The following CMIP variants were observed in gnomAD, a reference collection of about 807,000 sequenced individuals.
CMIP encodes the protein C-Maf-inducing protein.
CMIP carries 13 observed loss-of-function variants against 97.3 expected under a neutral mutation model. The observed-to-expected ratio is 0.13, with a 90% confidence interval of 0.09 to 0.21. The LOEUF (loss-of-function observed/expected upper bound fraction) is 0.21. Among genes scored for constraint, CMIP ranks in the 10% least tolerant of loss-of-function variants. CMIP has a pLI of 1.00. For missense variants in CMIP, 847 were observed against 1,024.9 expected (o/e 0.83, Z 2.37); for synonymous variants, 538 against 436.3 (o/e 1.23, Z -2.91).
At chr16:81,572,016 C>T (rs747978902) in intron 1 of CMIP, among the ~76,000 whole-genome samples, 4 of 152,188 alleles carry the variant, frequency 2.6e-5, no homozygotes, top group Admixed American at 6.5e-5. Flanking sequence ...TTGGTGGAGT[C>T]GCTCACCAGG....
intron 1 of CMIP, among the ~76,000 whole-genome samples, chr16:81,456,839 A>G (rs912871797): frequency 6.6e-6 from 1 of 152,158 alleles, no homozygotes; most frequent in Non-Finnish European, 1.5e-5. Flanking sequence ...GCGTGTGGAC[A>G]GAGCAGAAGG....
chr16:81,482,558 C>T (rs965908960), intron 1 of CMIP, among the ~76,000 whole-genome samples: 2 of 152,116 alleles, frequency 1.3e-5, no homozygotes, highest in Non-Finnish European at 2.9e-5. Flanking sequence ...GACCTCTGTT[C>T]CCACTTGAGC....
chr16:81,489,791 T>C (rs1043193548), intron 1 of CMIP, among the ~76,000 whole-genome samples: 3 of 152,204 alleles, frequency 2.0e-5, no homozygotes, highest in African/African-American at 7.2e-5. Flanking sequence ...CTGGGAGCTT[T>C]TGGCAAATGC....
chr16:81,599,844 A>G (rs941883678), intron 1 of CMIP, among the ~76,000 whole-genome samples: 3 of 152,206 alleles, frequency 2.0e-5, no homozygotes, highest in Admixed American at 1.3e-4. Context: ...ATGAGGGATT[A>G]TATATAAAGC....
At chr16:81,456,793 G>T (rs964791305) in intron 1 of CMIP, among the ~76,000 whole-genome samples, 1 of 152,226 alleles carries the variant, frequency 6.6e-6, no homozygotes, top group African/African-American at 2.4e-5. Context: ...GGCCAGGCTG[G>T]CTGTGAGCTG....
At chr16:81,500,267 C>CG (rs1189484925) in intron 1 of CMIP, among the ~76,000 whole-genome samples, 4 of 135,252 alleles carry the variant, frequency 3.0e-5, no homozygotes, top group African/African-American at 1.2e-4. Flanking sequence ...TCCTTCCTTC[C>CG]TTCCGTCCTT....
At chr16:81,546,371 C>T (rs549369406) in intron 1 of CMIP, among the ~76,000 whole-genome samples, 7 of 152,172 alleles carry the variant, frequency 4.6e-5, no homozygotes, top group South Asian at 4.1e-4. Flanking sequence ...TGTAGGGCGG[C>T]GGTCCCTTTA....
chr16:81,710,009 G>A lies in CMIP; in HGVS notation c.*210G>A. On this transcript the variant is annotated 3_prime_UTR_variant, in exon 21 of 21. Coordinates refer to ENST00000537098, the MANE Select transcript of CMIP (RefSeq NM_198390.3). The stretch of plus-strand genomic sequence containing the variant: ...CCGAATTCTTTTAGCTTCGTAATTG[G>A]AACCTTTGACCTGATCTAAAGTGGA... 2.7e-6 allele frequency: 1 copy of A among 371,120 alleles called. No homozygotes were observed. The highest frequency in any genetic ancestry group is 5.1e-6 in the Non-Finnish European group (1 of 197,726). The allele number at this position is 371,120 out of a possible 1,614,324, so 23.0% of individuals were successfully genotyped here. A position where few individuals can be genotyped will look rare whatever the true frequency, so the allele number is the denominator to read the frequency against.
chr16:81,706,910 C>A, intron 19 of CMIP, 104 bp from the exon 20 acceptor site: 1 of 923,872 alleles, frequency 1.1e-6, no homozygotes. Flanking sequence ...CATCTCCTAA[C>A]AGGGGGCCTG....
At chr16:81,497,178 G>T (rs1246152575) in intron 1 of CMIP, among the ~76,000 whole-genome samples, 1 of 152,216 alleles carries the variant, frequency 6.6e-6, no homozygotes, top group African/African-American at 2.4e-5. Flanking sequence ...TAGCCCGGGG[G>T]ACTCAGTAGC....
chr16:81,640,533 G>A (rs2092292104), intron 3 of CMIP, among the ~76,000 whole-genome samples: 1 of 152,168 alleles, frequency 6.6e-6, no homozygotes, highest in Admixed American at 6.5e-5. Context: ...TCCGTAAACT[G>A]TGTTGCTTAA....
chr16:81,514,338 C>T (rs1051939846), intron 1 of CMIP, among the ~76,000 whole-genome samples: 5 of 152,146 alleles, frequency 3.3e-5, no homozygotes, highest in Admixed American at 1.3e-4. Context: ...GTGAGGGAAG[C>T]TTCCAGAAGT....
At chr16:81,651,050 T>C (rs1468909022) in intron 3 of CMIP, 1 of 152,228 alleles carries the variant, frequency 6.6e-6, no homozygotes, top group Non-Finnish European at 1.5e-5. Context: ...AGTTTCTGTT[T>C]GAGCCTTAGC....
intron 1 of CMIP, among the ~76,000 whole-genome samples, chr16:81,508,282 G>A (rs764201230): frequency 1.3e-5 from 2 of 152,232 alleles, no homozygotes; most frequent in Non-Finnish European, 2.9e-5. Flanking sequence ...AGAGGCCACA[G>A]CATCCCTGGT....
At position 81,710,001 on chromosome 16, in the gene CMIP, C is replaced by G. The variant is rs1464710790; in HGVS notation, c.*202C>G. On this transcript the variant is annotated 3_prime_UTR_variant, in exon 21 of 21. Transcript: ENST00000537098. Reference sequence around the variant, plus strand: ...AGCCCCCGCCGAATTCTTTTAGCTTCGTAATTGGAACCTTTGACCTGATCT... The same window carrying G: ...AGCCCCCGCCGAATTCTTTTAGCTTGGTAATTGGAACCTTTGACCTGATCT... 4.8e-6 allele frequency: 2 copies of G among 419,464 alleles called. No homozygotes were observed. Among genetic ancestry groups the G allele is most frequent in the Non-Finnish European group, 8.8e-6 (2 of 227,544 alleles). 26.0% of individuals were successfully genotyped at this position (419,464 alleles called of 1,614,324 possible).
At chr16:81,595,460 C>G (rs2091540119) in intron 1 of CMIP, among the ~76,000 whole-genome samples, 1 of 150,708 alleles carries the variant, frequency 6.6e-6, no homozygotes, top group South Asian at 2.1e-4. Flanking sequence ...ACAATCTGAG[C>G]TCACTGCAGC....
intron 3 of CMIP, among the ~76,000 whole-genome samples, chr16:81,625,044 A>G (rs1489908308): frequency 2.6e-5 from 4 of 152,240 alleles, no homozygotes; most frequent in African/African-American, 4.8e-5. Flanking sequence ...ACCTGAGTGT[A>G]GAGAGGATAA....
At chr16:81,526,993 G>A (rs987670551) in intron 1 of CMIP, among the ~76,000 whole-genome samples, 7 of 152,254 alleles carry the variant, frequency 4.6e-5, no homozygotes, top group Non-Finnish European at 1.0e-4. Flanking sequence ...CACACAGGGC[G>A]TGAGCTTTGC....
chr16:81,691,760 C>T lies in CMIP; in HGVS notation c.1389-15C>T, dbSNP rs1363690301. On this transcript the variant is annotated splice_polypyrimidine_tract_variant and intron_variant, in intron 10 of 20. Coordinates refer to ENST00000537098, the MANE Select transcript of CMIP (RefSeq NM_198390.3). ...TGTCCCAACCAAAGCTGACTGTCAC[C>T]CTCTCTCATTCTAGGTCAGACTATG... 28 of 1,612,278 alleles carry T rather than the reference C, an allele frequency of 1.7e-5. No individual in the cohort carries two copies. The Admixed American group carries it at 4.5e-4, about 26-fold the overall frequency.
Sources: gnomAD v4.1 joint callset for allele counts (sites outside exome capture counted in the v4.1 genomes callset) on GRCh38, gnomAD v4.1.1 for gene constraint, MANE v1.5 for transcripts, NCBI Gene and HGNC (gene_info 2026-07-23, HGNC 2026-07-21) for gene names.